Variants in MPI observed in about 807,000 individuals in gnomAD.
MPI encodes the protein mannose-6-phosphate isomerase.
MPI carries 33 observed loss-of-function variants against 40.1 expected under a neutral mutation model. The ratio of observed to expected loss-of-function variants is 0.82; its 90% confidence interval spans 0.62 to 1.10. The LOEUF (loss-of-function observed/expected upper bound fraction) is 1.10, where lower values mean the gene tolerates loss of function less well. Among genes scored for constraint, MPI ranks in the 50% least tolerant of loss-of-function variants. The probability of loss-of-function intolerance (pLI) is 0.00; values close to 1 mark genes in which losing one functional copy is unlikely to be tolerated. For missense variants in MPI, 514 were observed against 524.1 expected, an observed-to-expected ratio of 0.98 and a Z score of 0.19; for synonymous variants, 187 against 207.4, an observed-to-expected ratio of 0.90 and a Z score of 0.85.
Position 74,902,056 on chromosome 15 carries a change from G to C in MPI, c.*4326G>C. ...CTATGATCCCTGTCATAGTTAGACA[G>C]GTGCAACCTGAAGAGGGACAAAAGG... On this transcript the variant is annotated 3_prime_UTR_variant, in exon 8 of 8. Transcript: ENST00000352410. The C allele has an allele frequency of 2.5e-6, 1 of 398,558 alleles. No individual in the cohort carries two copies. Among genetic ancestry groups the C allele is most frequent in the Non-Finnish European group, 4.4e-6 (1 of 226,026 alleles). The allele number at this position is 398,558 out of a possible 1,614,324, so 24.7% of individuals were successfully genotyped here.
chr15:74,891,307 C>T (rs1030469682), intron 2 of MPI, 72 bp from the exon 3 acceptor site: 109 of 1,423,506 alleles, frequency 7.7e-5, no homozygotes, highest in South Asian at 4.8e-4. Flanking sequence ...CACAGCATAA[C>T]GGATTGGGAC....
chr15:74,896,416 A>G (rs1455985038), intron 6 of MPI, 91 bp downstream of exon 6: 4 of 1,475,164 alleles, frequency 2.7e-6, no homozygotes, highest in Non-Finnish European at 3.7e-6. Flanking sequence ...GTGGTCAAGG[A>G]GACCCCCAAG....
rs574240982 is a variant in MPI at position 74,896,339 on chromosome 15, C to G, written c.844+14C>G. The G allele has an allele frequency of 3.7e-6, 6 of 1,613,956 alleles. No individual in the cohort carries two copies. In the African/African-American group the frequency reaches 8.0e-5, roughly 22 times the overall value. On this transcript the variant is annotated intron_variant, in intron 6 of 7. Transcript: ENST00000352410. ...ACCTGAAAGGAGGTGAGCCACATTT[C>G]AGCAGTGAGCCCCACTGCCATCCCT...
At position 74,897,009 on chromosome 15, in the gene MPI, A is replaced by G. The variant is rs2064828055; in HGVS notation, c.845-2A>G. 6.2e-7 allele frequency: 1 copy of G among 1,614,138 alleles called. No individual in the cohort carries two copies. The highest frequency in any genetic ancestry group is 8.5e-7 in the Non-Finnish European group (1 of 1,179,976). ...CTTAGCACATGACGACTGTCTCTCC[A>G]GACTGCGTGGAGTGCATGGCGTGTT... On this transcript the variant is annotated splice_acceptor_variant, in intron 6 of 7. Transcript: ENST00000352410. LOFTEE classifies it high-confidence loss of function.
At chr15:74,896,901 A>C in intron 6 of MPI, 110 bp from the exon 7 acceptor site, 1 of 1,009,386 alleles carries the variant, frequency 9.9e-7, no homozygotes, top group Non-Finnish European at 1.6e-6. Context: ...CAATTCATGG[A>C]AATTTTTACC....
chr15:74,890,607 A>C lies in MPI; in HGVS notation c.97A>C (p.Ser33Arg). Residue 33 changes from serine (S) to arginine (R), a missense_variant, in exon 2 of 8, where the codon AGC (serine) becomes CGC (arginine). Ser to Arg is a moderately radical substitution (Grantham distance 110). Coordinates refer to ENST00000352410, the MANE Select transcript of MPI (RefSeq NM_002435.3). ...CAGCGAAGTGGCGCGGCTGTTGGCCAGCAGTGATCCACTGGCCCAGATCGC... is the reference window on the plus strand; with the variant it reads ...CAGCGAAGTGGCGCGGCTGTTGGCCCGCAGTGATCCACTGGCCCAGATCGC... ...SNSEVARLLASSDPLAQIAED... is the reference protein window; with the variant it reads ...SNSEVARLLARSDPLAQIAED... 1 of 1,614,184 alleles carries C rather than the reference A, an allele frequency of 6.2e-7. No homozygotes were observed.
intron 1 of MPI, 80 bp downstream of exon 1, chr15:74,890,169 T>G (rs1394315961): frequency 5.7e-6 from 9 of 1,576,550 alleles, no homozygotes; most frequent in Non-Finnish European, 7.8e-6. Context: ...TCGGCCAGGT[T>G]GAGTCCGCTC....
chr15:74,896,694 G>C, intron 6 of MPI: 1 of 608,582 alleles, frequency 1.6e-6, no homozygotes, highest in Non-Finnish European at 2.9e-6. Flanking sequence ...ATGTTGCCAT[G>C]GAAGGATGCC....
In MPI at chr15:74,902,159, C is replaced by T. The variant is rs554581923; in HGVS notation, c.*4429C>T. On this transcript the variant is annotated 3_prime_UTR_variant, in exon 8 of 8. Transcript: ENST00000352410. ...GAAGAATAGAGCAAACGGAATTTCT[C>T]GAACTGGTCTCAAACAGTTTCTTTT... 1.8e-5 allele frequency: 7 copies of T among 398,746 alleles called. No homozygotes were observed. Among genetic ancestry groups the T allele is most frequent in the African/African-American group, 8.2e-5 (4 of 48,770 alleles). 24.7% of individuals were successfully genotyped at this position (398,746 alleles called of 1,614,324 possible). A position where few individuals can be genotyped will look rare whatever the true frequency, so the allele number is the denominator to read the frequency against.
chr15:74,896,094 G>A, intron 5 of MPI, 58 bp from the exon 6 acceptor site: 1 of 1,601,774 alleles, frequency 6.2e-7, no homozygotes, highest in Non-Finnish European at 8.5e-7. Context: ...CCAATGTGGG[G>A]CTATGAACAG....
chr15:74,895,968 G>C, intron 5 of MPI, 184 bp from the exon 6 acceptor site: 1 of 641,566 alleles, frequency 1.6e-6, no homozygotes, highest in Non-Finnish European at 2.8e-6. Flanking sequence ...GTATTTGTAT[G>C]GACTGGAGTA....
intron 2 of MPI, chr15:74,891,154 C>G (rs1184438549): frequency 4.8e-6 from 3 of 628,734 alleles, no homozygotes; most frequent in Non-Finnish European, 2.9e-6. Flanking sequence ...AGGGAAATAA[C>G]TAGTCCAAGT....
Position 74,899,557 on chromosome 15 carries a change from G to A in MPI, c.*1827G>A, listed in dbSNP as rs1381012074. 6.6e-6 allele frequency: 1 copy of A among 152,202 alleles called. No homozygotes were observed. The highest frequency in any genetic ancestry group is 2.4e-5 in the African/African-American group (1 of 41,448). 9.4% of individuals were successfully genotyped at this position (152,202 alleles called of 1,614,324 possible). ...CCAGTGGGAACAGCAGAAAGGGGAG[G>A]GAGTTTCCAGAAGGAATTGCTGTAG... On this transcript the variant is annotated 3_prime_UTR_variant, in exon 8 of 8. Coordinates refer to ENST00000352410, the MANE Select transcript of MPI (RefSeq NM_002435.3).
Position 74,897,514 on chromosome 15 carries a change from C to T in MPI, c.1056C>T (p.Val352=). 6.2e-7 allele frequency: 1 copy of T among 1,613,902 alleles called. No individual in the cohort carries two copies. The highest frequency in any genetic ancestry group is 1.3e-5 in the African/African-American group (1 of 75,024). ...VPDFTIMKTE[V]PGSVTEYKVL... ...CCTTATCATTTCTTCCTGCCCAGGT[C>T]CCTGGCTCTGTCACTGAATACAAGG... is the stretch of plus-strand genomic sequence containing the variant. Residue 352 remains valine (V), a splice_region_variant and synonymous_variant, in exon 8 of 8, where the codon GTC becomes GTT. Coordinates refer to ENST00000352410, the MANE Select transcript of MPI (RefSeq NM_002435.3).
intron 6 of MPI, 72 bp downstream of exon 6, chr15:74,896,397 A>G (rs2064819097): frequency 1.0e-5 from 16 of 1,579,306 alleles, no homozygotes; most frequent in Non-Finnish European, 1.3e-5. Flanking sequence ...GGACAAAGGA[A>G]GGAGAAGGGT....
chr15:74,892,769 C>T lies in MPI; in HGVS notation c.454C>T (p.Arg152Trp), dbSNP rs760519827. The change falls in exon 4 of 8, where the codon CGG becomes TGG. Residue 152 changes from arginine to tryptophan, a missense_variant. Physicochemically the swap from Arg to Trp is moderately radical, Grantham distance 101 (BLOSUM62 -3). Coordinates refer to ENST00000352410, the MANE Select transcript of MPI (RefSeq NM_002435.3). The stretch of plus-strand genomic sequence containing the variant: ...CCCCTTCCAGGGCTTGTGTGGCTTC[C>T]GGCCAGTTGAGGAGATTGTAACCTT... Reference protein sequence around the residue: ...LTPFQGLCGFRPVEEIVTFLK... With the variant: ...LTPFQGLCGFWPVEEIVTFLK... 8.7e-6 allele frequency: 14 copies of T among 1,614,114 alleles called. No homozygotes were observed. In the East Asian group the frequency reaches 1.8e-4, roughly 21 times the overall value.
chr15:74,892,746 C>T lies in MPI; in HGVS notation c.431C>T (p.Pro144Leu), dbSNP rs368931988. Residue 144 changes from proline (P) to leucine (L), a missense_variant, in exon 4 of 8, where the codon CCC (proline) becomes CTC (leucine). Pro to Leu is a moderately conservative substitution (Grantham distance 98). Transcript: ENST00000352410. ...HKPEMAIALT[P>L]FQGLCGFRPV... ...CCAGAGATGGCCATTGCCCTCACCCCCTTCCAGGGCTTGTGTGGCTTCCGG... is the reference window on the plus strand; with the variant it reads ...CCAGAGATGGCCATTGCCCTCACCCTCTTCCAGGGCTTGTGTGGCTTCCGG... The T allele has an allele frequency of 1.2e-6, 2 of 1,614,282 alleles. No individual in the cohort carries two copies. The highest frequency in any genetic ancestry group is 1.7e-6 in the Non-Finnish European group (2 of 1,180,048).
At chr15:74,896,911 C>G (rs2064826576) in intron 6 of MPI, 100 bp from the exon 7 acceptor site, 1 of 1,117,748 alleles carries the variant, frequency 8.9e-7, no homozygotes. Context: ...AAATTTTTAC[C>G]TAACTTGGCA....
In MPI at chr15:74,896,936, C is replaced by T. The variant is rs1304104371; in HGVS notation, c.845-75C>T. 2.9e-6 allele frequency: 4 copies of T among 1,403,050 alleles called. No individual in the cohort carries two copies. In the African/African-American group the frequency reaches 5.6e-5, roughly 20 times the overall value. The allele number at this position is 1,403,050 out of a possible 1,614,324, so 86.9% of individuals were successfully genotyped here. On this transcript the variant is annotated intron_variant, in intron 6 of 7. Coordinates refer to ENST00000352410, the MANE Select transcript of MPI (RefSeq NM_002435.3). ...CTAACTTGGCATGGGGTTCATGGAG[C>T]TCAGGTTAGGAGGCCCAGAACTGGA...
Sources: allele counts gnomAD v4.1 joint callset, GRCh38; gene constraint gnomAD v4.1.1; transcripts MANE v1.5; gene names NCBI Gene and HGNC (gene_info 2026-07-23, HGNC 2026-07-21).